Variants in FCHO2 observed in about 807,000 individuals in gnomAD.
The protein encoded by FCHO2 is FCH and mu domain containing endocytic adaptor 2.
FCHO2 carries 43 observed loss-of-function variants against 114.1 expected under a neutral mutation model. That is an observed-to-expected ratio of 0.38 (90% confidence interval 0.30 to 0.49). The LOEUF (loss-of-function observed/expected upper bound fraction) is 0.49, where lower values mean the gene tolerates loss of function less well. Ranked by LOEUF, FCHO2 falls within the 20% of genes least tolerant of loss-of-function variation. The probability of loss-of-function intolerance (pLI) is 0.97; values close to 1 mark genes in which losing one functional copy is unlikely to be tolerated. For synonymous variants in FCHO2, 293 were observed against 315.2 expected (o/e 0.93, Z 0.75); for missense variants, 807 against 950.4 (o/e 0.85, Z 1.98).
intron 2 of FCHO2, among the ~76,000 whole-genome samples, chr5:72,974,574 C>T (rs1331107254): frequency 2.0e-5 from 3 of 151,564 alleles, no homozygotes; most frequent in African/African-American, 7.3e-5. Flanking sequence ...TCCTCCATCC[C>T]TTTATTTTGA....
chr5:72,981,809 T>C lies in FCHO2; in HGVS notation c.126-7618T>C, dbSNP rs565293379. 2.0e-5 allele frequency among the ~76,000 whole-genome samples: 3 copies of C among 152,332 alleles called. No homozygotes were observed. The South Asian group carries it at 6.2e-4, about 32-fold the overall frequency. On this transcript the variant is annotated intron_variant, in intron 2 of 25. Coordinates refer to ENST00000430046, the MANE Select transcript of FCHO2 (RefSeq NM_138782.3). ...TTTCATCTCCATCAGGTCATCTATGTTCTTCTCTAAACTGGTTATTCTAGT... is the reference window on the plus strand; with the variant it reads ...TTTCATCTCCATCAGGTCATCTATGCTCTTCTCTAAACTGGTTATTCTAGT...
chr5:73,078,074 T>A, intron 21 of FCHO2, 106 bp from the exon 22 acceptor site: 1 of 813,602 alleles, frequency 1.2e-6, no homozygotes, highest in Admixed American at 3.6e-5. Context: ...TCATCCCACC[T>A]CTTGGTTTAT....
chr5:73,044,012 T>G (rs1191923571), intron 11 of FCHO2, among the ~76,000 whole-genome samples: 2 of 152,144 alleles, frequency 1.3e-5, no homozygotes, highest in Non-Finnish European at 2.9e-5. Context: ...TCCCCCTCGC[T>G]GTTCTCGTGA....
chr5:73,032,118 T>G (rs1027026259), intron 8 of FCHO2, among the ~76,000 whole-genome samples: 1 of 152,232 alleles, frequency 6.6e-6, no homozygotes, highest in Non-Finnish European at 1.5e-5. Context: ...TGCATTGATA[T>G]CCAGCTGAGT....
rs1320055397 is a variant in FCHO2, at chr5:73,090,476, T to C, written c.*2386T>C. 1.3e-5 allele frequency: 2 copies of C among 152,564 alleles called. No individual in the cohort carries two copies. Among genetic ancestry groups the C allele is most frequent in the East Asian group, 3.8e-4 (2 of 5,206 alleles). 9.5% of individuals were successfully genotyped at this position (152,564 alleles called of 1,614,324 possible). A position where few individuals can be genotyped will look rare whatever the true frequency, so the allele number is the denominator to read the frequency against. On this transcript the variant is annotated 3_prime_UTR_variant, in exon 26 of 26. Coordinates refer to ENST00000430046, the MANE Select transcript of FCHO2 (RefSeq NM_138782.3). ...TTTGATTTTTTTCATTAAATGTAAA[T>C]TTTACATAAAAGTTGTGCTCTTAAT... is the stretch of plus-strand genomic sequence containing the variant.
At chr5:73,077,592 G>T in intron 21 of FCHO2, 99 bp downstream of exon 21, 1 of 1,290,306 alleles carries the variant, frequency 7.8e-7, no homozygotes, top group Non-Finnish European at 1.0e-6. Flanking sequence ...CAGTTTGGGA[G>T]GCTGAGGCAG....
chr5:73,069,084 A>G (rs554251220), intron 19 of FCHO2, among the ~76,000 whole-genome samples: 24 of 152,238 alleles, frequency 1.6e-4, no homozygotes, highest in African/African-American at 5.5e-4. Context: ...GTGAACTGAT[A>G]GTTGCGTTTC....
At chr5:73,045,222 ATC>A (rs1244631384) in intron 11 of FCHO2, among the ~76,000 whole-genome samples, 1 of 152,030 alleles carries the variant, frequency 6.6e-6, no homozygotes, top group African/African-American at 2.4e-5. Context: ...TAGCACAACA[ATC>A]TCTCATGTTG....
intron 8 of FCHO2, among the ~76,000 whole-genome samples, chr5:73,033,874 C>T (rs1756362080): frequency 6.6e-6 from 1 of 152,130 alleles, no homozygotes; most frequent in African/African-American, 2.4e-5. Context: ...AGCAGTCAGT[C>T]ATTTCAGGGC....
intron 18 of FCHO2, 24 bp from the exon 19 acceptor site, chr5:73,068,626 G>A (rs747605617): frequency 6.2e-7 from 1 of 1,605,056 alleles, no homozygotes; most frequent in Admixed American, 1.7e-5. Context: ...TTAGCATTTT[G>A]ATAAATAACT....
intron 5 of FCHO2, among the ~76,000 whole-genome samples, chr5:72,995,777 T>C (rs999665267): frequency 6.6e-6 from 1 of 152,078 alleles, no homozygotes. Context: ...CATTGATTCA[T>C]GAACCGATTA....
intron 22 of FCHO2, among the ~76,000 whole-genome samples, chr5:73,078,978 G>A (rs1470446987): frequency 2.0e-5 from 3 of 152,194 alleles, no homozygotes; most frequent in Non-Finnish European, 2.9e-5. Context: ...CTGTTTCTCA[G>A]TTAACTTATA....
chr5:72,985,192 A>T (rs368008882), intron 2 of FCHO2, among the ~76,000 whole-genome samples: 40 of 150,306 alleles, frequency 2.7e-4, no homozygotes, highest in African/African-American at 9.1e-4. Flanking sequence ...ACTGAGTCTC[A>T]CTCTGTCACC....
chr5:72,977,246 T>C (rs1324212837), intron 2 of FCHO2, among the ~76,000 whole-genome samples: 1 of 152,182 alleles, frequency 6.6e-6, no homozygotes, highest in African/African-American at 2.4e-5. Context: ...CCACCAGCAG[T>C]GTAAAAGCAT....
intron 1 of FCHO2, among the ~76,000 whole-genome samples, chr5:72,964,326 G>C (rs1279165903): frequency 6.6e-6 from 1 of 152,136 alleles, no homozygotes; most frequent in East Asian, 1.9e-4. Flanking sequence ...CAACAAATAT[G>C]TTTGAGTCAC....
chr5:72,973,932 C>A lies in FCHO2; in HGVS notation c.125+5343C>A, dbSNP rs1752713901. ...TGTTCTCGTTGGTTTCAAAGAACATCTTTATTTCTGCCTTCATTTCGTTAT... is the reference window on the plus strand; with the variant it reads ...TGTTCTCGTTGGTTTCAAAGAACATATTTATTTCTGCCTTCATTTCGTTAT... On this transcript the variant is annotated intron_variant, in intron 2 of 25. Coordinates refer to ENST00000430046, the MANE Select transcript of FCHO2 (RefSeq NM_138782.3). Among the ~76,000 whole-genome samples the A allele has an allele frequency of 6.0e-5, 9 of 149,960 alleles. No individual in the cohort carries two copies. In the South Asian group the frequency reaches 1.9e-3, roughly 32 times the overall value.
intron 6 of FCHO2, among the ~76,000 whole-genome samples, chr5:73,015,072 T>C (rs1755229429): frequency 1.0e-5 from 1 of 98,162 alleles, no homozygotes; most frequent in African/African-American, 4.3e-5. Flanking sequence ...CAAGACTCCG[T>C]CTCAAAAAAA....
chr5:73,054,465 C>A, intron 14 of FCHO2, 60 bp from the exon 15 acceptor site: 1 of 1,422,952 alleles, frequency 7.0e-7, no homozygotes. Flanking sequence ...AACATTTTAC[C>A]AAATATTTAA....
At chr5:72,996,963 C>A (rs1754152439) in intron 5 of FCHO2, 16 of 1,607,174 alleles carry the variant, frequency 1.0e-5, no homozygotes, top group Non-Finnish European at 1.3e-5. Flanking sequence ...ACGTTCGTGG[C>A]CTTCGCCGCC....
Sources: allele counts gnomAD v4.1 joint callset (sites outside exome capture counted in the v4.1 genomes callset), GRCh38; gene constraint gnomAD v4.1.1; transcripts MANE v1.5; gene names NCBI Gene and HGNC (gene_info 2026-07-23, HGNC 2026-07-21).